CNTNAP5: variants seen among roughly 807,000 people sequenced by gnomAD.
CNTNAP5 encodes contactin associated protein family member 5.
In CNTNAP5, 72 loss-of-function variants were observed where a neutral mutation model predicts 150.2. The observed-to-expected ratio is 0.48, with a 90% CI of 0.40 to 0.58. The LOEUF (loss-of-function observed/expected upper bound fraction) is 0.58. Ranked by LOEUF, CNTNAP5 falls within the 20% of genes least tolerant of loss-of-function variation. CNTNAP5 has a pLI of 0.00. For missense variants in CNTNAP5, 1,636 were observed against 1,626.2 expected (o/e 1.01, Z -0.10); for synonymous variants, 672 against 619.8 (o/e 1.08, Z -1.25).
intron 1 of CNTNAP5, among the ~76,000 whole-genome samples, chr2:124,056,547 G>A (rs1681851689): frequency 1.3e-5 from 2 of 152,190 alleles, no homozygotes; most frequent in South Asian, 2.1e-4. Flanking sequence ...TCAGGCGGCT[G>A]AGGCAGGAGA....
chr2:124,691,008 C>CAGAA (rs1275777420), intron 13 of CNTNAP5, among the ~76,000 whole-genome samples: 1 of 152,066 alleles, frequency 6.6e-6, no homozygotes, highest in Non-Finnish European at 1.5e-5. Flanking sequence ...TTACACAATA[C>CAGAA]AGAAGCCTTC....
chr2:124,607,309 G>C (rs1439627197), intron 11 of CNTNAP5, among the ~76,000 whole-genome samples: 2 of 152,096 alleles, frequency 1.3e-5, no homozygotes, highest in Non-Finnish European at 2.9e-5. Context: ...TTGCTTTGGT[G>C]CCCATTCTCA....
chr2:124,789,846 A>G (rs932705889), intron 17 of CNTNAP5, 56 bp from the exon 18 acceptor site: 3 of 1,535,996 alleles, frequency 2.0e-6, no homozygotes, highest in Non-Finnish European at 2.7e-6. Flanking sequence ...CATTAAACCT[A>G]AATGTATTGA....
chr2:124,227,869 G>A (rs912042671), intron 2 of CNTNAP5, among the ~76,000 whole-genome samples: 1 of 151,452 alleles, frequency 6.6e-6, no homozygotes, highest in Non-Finnish European at 1.5e-5. Context: ...CAGAGAAACA[G>A]AACCAACGGG....
chr2:124,241,067 T>G (rs988415148), intron 2 of CNTNAP5, among the ~76,000 whole-genome samples: 1 of 152,224 alleles, frequency 6.6e-6, no homozygotes, highest in African/African-American at 2.4e-5. Flanking sequence ...CTATGCTATC[T>G]CTACCCATGG....
At chr2:124,373,755 C>A (rs367853579) in intron 3 of CNTNAP5, among the ~76,000 whole-genome samples, 3 of 151,990 alleles carry the variant, frequency 2.0e-5, no homozygotes, top group East Asian at 3.9e-4. Flanking sequence ...TATAAATGTA[C>A]ACAAAAATTT....
At chr2:124,782,722 G>A (rs1320589075) in intron 17 of CNTNAP5, among the ~76,000 whole-genome samples, 1 of 152,076 alleles carries the variant, frequency 6.6e-6, no homozygotes, top group Non-Finnish European at 1.5e-5. Context: ...ATTGCTGGTG[G>A]GAGTATAAAT....
At chr2:124,044,809 G>T (rs1164288800) in intron 1 of CNTNAP5, among the ~76,000 whole-genome samples, 2 of 151,556 alleles carry the variant, frequency 1.3e-5, no homozygotes, top group Non-Finnish European at 2.9e-5. Context: ...CCTTCAGGTT[G>T]ACCTTATCTC....
chr2:124,153,195 A>T (rs111735171), intron 1 of CNTNAP5, among the ~76,000 whole-genome samples: 2 of 152,238 alleles, frequency 1.3e-5, no homozygotes, highest in African/African-American at 4.8e-5. Flanking sequence ...CATTAAAAAG[A>T]TGGAAACAAA....
chr2:124,268,476 G>A (rs1163823244), intron 3 of CNTNAP5, among the ~76,000 whole-genome samples: 1 of 152,140 alleles, frequency 6.6e-6, no homozygotes, highest in African/African-American at 2.4e-5. Context: ...GTGCTCTTCT[G>A]ACCAAGATGG....
chr2:124,900,875 T>C (rs553569367), intron 21 of CNTNAP5, among the ~76,000 whole-genome samples: 66 of 151,658 alleles, frequency 4.4e-4, no homozygotes, highest in Non-Finnish European at 7.2e-4. Flanking sequence ...CACCAATCTG[T>C]AGCTAATGCA....
Position 124,811,170 on chromosome 2 carries a change from G to T in CNTNAP5, c.3217+12850G>T, listed in dbSNP as rs182755490. On this transcript the variant is annotated intron_variant, in intron 19 of 23. Transcript: ENST00000682447. ...ATGACAGGGAATCTTATGTGACTGG[G>T]TCTCAGAAAGACAGCTCCTTATTTA... Among the ~76,000 whole-genome samples, 8 of 152,200 alleles carry T rather than the reference G, an allele frequency of 5.3e-5. No individual in the cohort carries two copies. In the East Asian group the frequency reaches 1.5e-3, roughly 29 times the overall value.
At chr2:124,706,325 A>T (rs12992629) in intron 13 of CNTNAP5, among the ~76,000 whole-genome samples, 31,079 of 152,184 alleles carry the variant, frequency 0.2, 3,281 homozygotes, top group East Asian at 0.24. Flanking sequence ...ATGATGCAAA[A>T]TATTAATTCA....
intron 17 of CNTNAP5, among the ~76,000 whole-genome samples, chr2:124,786,368 A>AAAG (rs1681575155): frequency 1.5e-5 from 1 of 67,826 alleles, no homozygotes; most frequent in African/African-American, 6.9e-5. Flanking sequence ...AGAAAGAAAG[A>AAAG]AAGAAAGAAA....
chr2:124,274,413 A>G (rs1210811399), intron 3 of CNTNAP5, among the ~76,000 whole-genome samples: 1 of 152,160 alleles, frequency 6.6e-6, no homozygotes, highest in East Asian at 1.9e-4. Flanking sequence ...CCCTCCCTCA[A>G]TATTGTCACT....
chr2:124,414,874 G>T (rs1367020767), intron 3 of CNTNAP5, among the ~76,000 whole-genome samples: 1 of 152,072 alleles, frequency 6.6e-6, no homozygotes, highest in Non-Finnish European at 1.5e-5. Flanking sequence ...GGGGAGGTGG[G>T]ATATGGTGCA....
chr2:124,867,247 T>A (rs527514528), intron 20 of CNTNAP5, among the ~76,000 whole-genome samples: 2 of 152,218 alleles, frequency 1.3e-5, no homozygotes, highest in African/African-American at 4.8e-5. Flanking sequence ...AGCATATCTC[T>A]GGGTAAAGAG....
intron 3 of CNTNAP5, among the ~76,000 whole-genome samples, chr2:124,386,891 G>A (rs1690941940): frequency 6.8e-6 from 1 of 147,586 alleles, no homozygotes; most frequent in Non-Finnish European, 1.5e-5. Flanking sequence ...TTGAAAGGAA[G>A]GTCATTAAGT....
intron 21 of CNTNAP5, among the ~76,000 whole-genome samples, chr2:124,896,880 C>G (rs138011718): frequency 6.6e-6 from 1 of 151,700 alleles, no homozygotes; most frequent in Non-Finnish European, 1.5e-5. Context: ...TCCTACCTAT[C>G]TCTTCAGTGT....
Sources: allele counts gnomAD v4.1 joint callset (sites outside exome capture counted in the v4.1 genomes callset), GRCh38; gene constraint gnomAD v4.1.1; transcripts MANE v1.5; gene names NCBI Gene and HGNC (gene_info 2026-07-23, HGNC 2026-07-21).